The following AFDN variants were observed in gnomAD, a reference collection of about 807,000 sequenced individuals.
AFDN encodes the protein afadin, adherens junction formation factor.
Under a neutral mutation model 216.6 loss-of-function variants are expected in AFDN, and 68 were observed. The observed-to-expected ratio is 0.31, with a 90% CI of 0.26 to 0.38. AFDN has a LOEUF of 0.38. Ranked by LOEUF, AFDN falls within the 10% of genes least tolerant of loss-of-function variation. AFDN has a pLI of 1.00. For missense variants in AFDN, 2,136 were observed against 2,342.0 expected (o/e 0.91, Z 1.82); for synonymous variants, 868 against 853.7 (o/e 1.02, Z -0.29).
intron 23 of AFDN, among the ~76,000 whole-genome samples, chr6:167,930,120 G>C (rs1048651007): frequency 6.6e-6 from 1 of 152,134 alleles, no homozygotes; most frequent in Admixed American, 6.5e-5. Context: ...CAGGAGGATG[G>C]TTTGAGCTCA....
At chr6:167,935,590 G>A (rs1793894845) in intron 23 of AFDN, among the ~76,000 whole-genome samples, 1 of 152,110 alleles carries the variant, frequency 6.6e-6, no homozygotes, top group Admixed American at 6.5e-5. Context: ...TAAAGAAACT[G>A]GTTTGTTAAA....
chr6:167,836,949 T>C (rs1363085344), intron 1 of AFDN, among the ~76,000 whole-genome samples: 1 of 152,240 alleles, frequency 6.6e-6, no homozygotes, highest in Non-Finnish European at 1.5e-5. Flanking sequence ...ATTTAATGTT[T>C]ATGACCTCGA....
chr6:167,839,150 A>G (rs35706176), intron 1 of AFDN, among the ~76,000 whole-genome samples: 135,918 of 152,168 alleles, frequency 0.89, 60,851 homozygotes, highest in Non-Finnish European at 0.92. Flanking sequence ...TAATGTTAAC[A>G]TTTTATTAGT....
chr6:167,918,802 G>T lies in AFDN; in HGVS notation c.2777G>T (p.Arg926Met). The T allele has an allele frequency of 6.2e-7, 1 of 1,613,246 alleles. No individual in the cohort carries two copies. The highest frequency in any genetic ancestry group is 8.5e-7 in the Non-Finnish European group (1 of 1,179,448). ...TADELARSDG[R>M]EVQLEEDPDL... Reference sequence around the variant, plus strand: ...GATGAGCTGGCCCGCAGTGATGGAAGGGAAGTGCAGTTGGAGGAGGATCCT... The same window carrying T: ...GATGAGCTGGCCCGCAGTGATGGAATGGAAGTGCAGTTGGAGGAGGATCCT... Residue 926 changes from arginine (R) to methionine (M), a missense_variant, in exon 21 of 34, where the codon AGG becomes ATG. Physicochemically the swap from Arg to Met is moderately conservative, Grantham distance 91. This residue lies in a region of AFDN where 162 missense variants were observed against 182.6 expected (regional missense o/e 0.89). Transcript: ENST00000683244.
In AFDN at chr6:167,970,173, C is replaced by CA; in HGVS notation, c.*239dup. 1 of 436,472 alleles carries CA rather than the reference C, an allele frequency of 2.3e-6. No homozygotes were observed. The highest frequency in any genetic ancestry group is 4.0e-6 in the Non-Finnish European group (1 of 251,454). 27.0% of individuals were successfully genotyped at this position (436,472 alleles called of 1,614,324 possible). ...TGTCTAGTTTCTTAATTATCTAACT[C>CA]ACACGAGGGTAAGTTTTTTGTTGGT... On this transcript the variant is annotated 3_prime_UTR_variant, in exon 34 of 34. Transcript: ENST00000683244.
At chr6:167,845,806 A>G (rs1336198660) in intron 1 of AFDN, among the ~76,000 whole-genome samples, 1 of 152,240 alleles carries the variant, frequency 6.6e-6, no homozygotes, top group Non-Finnish European at 1.5e-5. Context: ...TTACACTGGT[A>G]TAAAGAACTA....
rs747441799 is a variant in AFDN at position 167,951,752 on chromosome 6, A to G, written c.4398A>G (p.Ala1466=). Residue 1466 remains alanine, a synonymous_variant, in exon 30 of 34, where the codon GCA becomes GCG. Transcript: ENST00000683244. The surrounding 1 kb of genome is among the most constrained non-coding windows in gnomAD (Gnocchi z 7.1). ...LNPAPFSPLT[A]QQMKPEKPST... ...CTGCTCCGTTTTCTCCCCTGACTGCACAGCAGATGAAGCCCGAAAAGCCTT... is the reference window on the plus strand; with the variant it reads ...CTGCTCCGTTTTCTCCCCTGACTGCGCAGCAGATGAAGCCCGAAAAGCCTT... 6.8e-6 allele frequency: 11 copies of G among 1,614,060 alleles called. No individual in the cohort carries two copies. Among genetic ancestry groups the G allele is most frequent in the Middle Eastern group, 3.3e-4 (2 of 6,084 alleles).
intron 30 of AFDN, among the ~76,000 whole-genome samples, chr6:167,961,650 G>GA: frequency 6.6e-6 from 1 of 152,328 alleles, no homozygotes; most frequent in Admixed American, 6.5e-5. Flanking sequence ...GAGAAACAAT[G>GA]AGGTAATGAA....
intron 6 of AFDN, among the ~76,000 whole-genome samples, chr6:167,882,796 A>C (rs1786299043): frequency 6.6e-6 from 1 of 152,240 alleles, no homozygotes; most frequent in Non-Finnish European, 1.5e-5. Context: ...ACAAAGACCC[A>C]AACCAAAGCT....
chr6:167,949,659 A>G (rs1795736563), intron 29 of AFDN, among the ~76,000 whole-genome samples: 1 of 152,196 alleles, frequency 6.6e-6, no homozygotes, highest in East Asian at 1.9e-4. Flanking sequence ...CTCTTTAAAA[A>G]TTGAGTAATT....
At chr6:167,839,693 T>C (rs1780838674) in intron 1 of AFDN, among the ~76,000 whole-genome samples, 1 of 152,138 alleles carries the variant, frequency 6.6e-6, no homozygotes, top group African/African-American at 2.4e-5. Flanking sequence ...ACTCATTGAG[T>C]GGTCATCCAC....
chr6:167,941,891 G>A (rs1446484168), intron 23 of AFDN, among the ~76,000 whole-genome samples: 2 of 152,200 alleles, frequency 1.3e-5, no homozygotes, highest in African/African-American at 4.8e-5. Flanking sequence ...TTTGCTTTCT[G>A]TAGAACTTTT....
chr6:167,958,262 T>C (rs1002161571), intron 30 of AFDN, among the ~76,000 whole-genome samples: 27 of 152,356 alleles, frequency 1.8e-4, no homozygotes, highest in South Asian at 4.1e-4. Flanking sequence ...TCATTACATA[T>C]ATGCAAATAG....
At chr6:167,948,012 C>A in intron 28 of AFDN, 68 bp downstream of exon 28, 2 of 1,173,792 alleles carry the variant, frequency 1.7e-6, no homozygotes, top group South Asian at 2.6e-5. Context: ...TTGGACATCT[C>A]AGTTATCTAG....
intron 23 of AFDN, among the ~76,000 whole-genome samples, chr6:167,934,204 A>G (rs1392007756): frequency 1.3e-5 from 2 of 152,156 alleles, no homozygotes; most frequent in Admixed American, 6.5e-5. Context: ...GAGAGGGAAG[A>G]GATAGATGTG....
At chr6:167,891,452 G>GTGTGTGTGTGT (rs1787597435) in intron 8 of AFDN, among the ~76,000 whole-genome samples, 2 of 110,252 alleles carry the variant, frequency 1.8e-5, no homozygotes, top group African/African-American at 6.0e-5. Flanking sequence ...TGTGTGTGTG[G>GTGTGTGTGTGT]CTGTTGTTTC....
Position 167,907,194 on chromosome 6 carries a change from C to G in AFDN, c.1674C>G (p.Asp558Glu), listed in dbSNP as rs781433837. Reference sequence around the variant, plus strand: ...AGAGCACCACTAGGCTGGACAGCGACAGAGTGTCGTCTGCCTCTAGCACAG... The same window carrying G: ...AGAGCACCACTAGGCTGGACAGCGAGAGAGTGTCGTCTGCCTCTAGCACAG... ...TSKSTTRLDS[D>E]RVSSASSTAE... Residue 558 changes from aspartate (D) to glutamate (E), a missense_variant, in exon 13 of 34, where the codon GAC becomes GAG. Asp to Glu is a conservative substitution (Grantham distance 45). This residue lies in a region of AFDN where 817 missense variants were observed against 965.7 expected (regional missense o/e 0.85). Transcript: ENST00000683244. 2 of 1,614,136 alleles carry G rather than the reference C, an allele frequency of 1.2e-6. No individual in the cohort carries two copies. The highest frequency in any genetic ancestry group is 2.2e-5 in the South Asian group (2 of 91,080).
In AFDN at chr6:167,962,567, G is replaced by T. The variant is rs762639349; in HGVS notation, c.4968G>T (p.Lys1656Asn). The change falls in exon 31 of 34, where the codon AAG becomes AAT. Residue 1656 changes from lysine to asparagine, a missense_variant and splice_region_variant. Lys to Asn is a moderately conservative substitution (Grantham distance 94). Transcript: ENST00000683244. This position sits in a 1 kb window ranked among gnomAD's most constrained non-coding sequence, Gnocchi z 5.2. ...EERTKRDAEEKRRQEEGYYSR... is the reference protein window; with the variant it reads ...EERTKRDAEENRRQEEGYYSR... ...GAACAAAACGAGACGCTGAAGAAAAGGTTATGGTCCTTTAAGGGCAGCTAG... is the reference window on the plus strand; with the variant it reads ...GAACAAAACGAGACGCTGAAGAAAATGTTATGGTCCTTTAAGGGCAGCTAG... 1.2e-6 allele frequency: 2 copies of T among 1,614,004 alleles called. No individual in the cohort carries two copies. Among genetic ancestry groups the T allele is most frequent in the Middle Eastern group, 3.3e-4 (2 of 6,060 alleles).
At position 167,880,498 on chromosome 6, in the gene AFDN, A is replaced by G. The variant is rs932049519; in HGVS notation, c.878A>G (p.Lys293Arg). Residue 293 changes from lysine (K) to arginine (R), a missense_variant, in exon 6 of 34, where the codon AAG becomes AGG. Around this residue, in one of 8 missense-constraint regions of AFDN, gnomAD observed 817 missense variants for 965.7 expected, o/e 0.85. Transcript: ENST00000683244. The part of the protein sequence containing the change: ...EKYGLEKENP[K>R]DYCIARVMLP... ...TATGGTCTGGAAAAAGAAAACCCTA[A>G]GGATTACTGCATCGCCCGGGTAAGG... is the stretch of plus-strand genomic sequence containing the variant. The G allele has an allele frequency of 9.9e-6, 16 of 1,613,592 alleles. No homozygotes were observed. Among genetic ancestry groups the G allele is most frequent in the Non-Finnish European group, 1.3e-5 (15 of 1,179,726 alleles).
Sources: gnomAD v4.1 joint callset for allele counts (sites outside exome capture counted in the v4.1 genomes callset) on GRCh38, gnomAD v4.1.1 for gene constraint, gnomAD v4.1.1 regional missense constraint, Gnocchi (gnomAD v3.1) non-coding constraint, MANE v1.5 for transcripts, NCBI Gene and HGNC (gene_info 2026-07-23, HGNC 2026-07-21) for gene names.